Variants in RETSAT observed in about 807,000 individuals in gnomAD.
RETSAT encodes all-trans-retinol 13,14-reductase.
A neutral mutation model predicts 61.6 loss-of-function variants in RETSAT; 35 were observed. The ratio of observed to expected loss-of-function variants is 0.57; its 90% CI spans 0.43 to 0.75. RETSAT has a LOEUF of 0.75. RETSAT is among the 30% of genes least tolerant of loss of function. The pLI, the probability that RETSAT is intolerant of heterozygous loss-of-function variation, is 0.00. For missense variants in RETSAT, 670 were observed against 759.5 expected, an observed-to-expected ratio of 0.88 and a Z score of 1.38; for synonymous variants, 277 against 310.4, an observed-to-expected ratio of 0.89 and a Z score of 1.13.
chr2:85,351,130 GC>G, intron 2 of RETSAT, 109 bp from the exon 3 acceptor site: 2 of 1,340,044 alleles, frequency 1.5e-6, no homozygotes, highest in South Asian at 1.3e-5. Context: ...CCAAGTTCAC[GC>G]CCAGAGTGAG....
chr2:85,342,015 AGT>A lies in RETSAT; in HGVS notation c.*1225_*1226del. 2.0e-6 allele frequency: 1 copy of A among 511,032 alleles called. No individual in the cohort carries two copies. Among genetic ancestry groups the A allele is most frequent in the Non-Finnish European group, 3.4e-6 (1 of 291,202 alleles). 31.7% of individuals were successfully genotyped at this position (511,032 alleles called of 1,614,324 possible). ...CTTATTTTGGTGTTATTCAGTATAT[AGT>A]GTTTTACTGAGCTTCTGCAAATGCC... On this transcript the variant is annotated 3_prime_UTR_variant, in exon 11 of 11. Transcript: ENST00000295802.
At chr2:85,346,604 A>C (rs1263128760) in intron 5 of RETSAT, among the ~76,000 whole-genome samples, 1 of 152,082 alleles carries the variant, frequency 6.6e-6, no homozygotes, top group Non-Finnish European at 1.5e-5. Context: ...TAGAACAAAA[A>C]AATTTAAATT....
At chr2:85,352,705 T>C (rs1683320724) in intron 1 of RETSAT, among the ~76,000 whole-genome samples, 5 of 152,188 alleles carry the variant, frequency 3.3e-5, no homozygotes, top group Admixed American at 3.3e-4. Flanking sequence ...CTTTGGAAGA[T>C]GCAGGGTCTG....
chr2:85,345,843 C>T (rs763572585), intron 6 of RETSAT, 132 bp downstream of exon 6: 2 of 1,117,716 alleles, frequency 1.8e-6, no homozygotes, highest in Admixed American at 1.7e-5. Flanking sequence ...GTAGCGTTCT[C>T]ACCTTGTTGC....
Position 85,344,576 on chromosome 2 carries a change from C to G in RETSAT, c.1256+18G>C. On this transcript the variant is annotated intron_variant, in intron 7 of 10. Transcript: ENST00000295802. ...GGGAGGCACGGGCCACACACATACA[C>G]ACACACGTGCACCTTACGCCTGGTC... 1 of 1,613,520 alleles carries G rather than the reference C, an allele frequency of 6.2e-7. No individual in the cohort carries two copies.
rs952996219 is a variant in RETSAT at position 85,349,428 on chromosome 2, G to T, written c.953C>A (p.Ala318Asp). ...QRAGGAVLTKATVQSVLLDSA... is the reference protein window; with the variant it reads ...QRAGGAVLTKDTVQSVLLDSA... ...GTCCAGCAACACACTCTGCACAGTGGCCTTTGTGAGGACAGCGCCCCCAGC... is the reference window on the plus strand; with the variant it reads ...GTCCAGCAACACACTCTGCACAGTGTCCTTTGTGAGGACAGCGCCCCCAGC... Residue 318 changes from alanine (A) to aspartate (D), a missense_variant, in exon 5 of 11, where the codon GCC (alanine) becomes GAC (aspartate). Coordinates refer to ENST00000295802, the MANE Select transcript of RETSAT (RefSeq NM_017750.4). The T allele has an allele frequency of 1.2e-6, 2 of 1,614,176 alleles. No homozygotes were observed. Among genetic ancestry groups the T allele is most frequent in the East Asian group, 2.2e-5 (1 of 44,882 alleles).
chr2:85,350,704 C>T lies in RETSAT; in HGVS notation c.597+76G>A, dbSNP rs146129692. Reference sequence around the variant, plus strand: ...GCCTCCCGCACTGCACTCTCCACCCCCAGTGCCTCCACTAATAATAAAGAA... The same window carrying T: ...GCCTCCCGCACTGCACTCTCCACCCTCAGTGCCTCCACTAATAATAAAGAA... On this transcript the variant is annotated intron_variant, in intron 3 of 10. Coordinates refer to ENST00000295802, the MANE Select transcript of RETSAT (RefSeq NM_017750.4). 42 of 1,558,620 alleles carry T rather than the reference C, an allele frequency of 2.7e-5. No individual in the cohort carries two copies. The East Asian group carries it at 8.7e-4, about 32-fold the overall frequency.
chr2:85,351,976 G>A (rs1189028652), intron 1 of RETSAT, 114 bp from the exon 2 acceptor site: 12 of 949,442 alleles, frequency 1.3e-5, no homozygotes, highest in Non-Finnish European at 1.8e-5. Flanking sequence ...CCTCTAGAGT[G>A]GTTTGGCACA....
At position 85,350,072 on chromosome 2, in the gene RETSAT, T is replaced by C. The variant is rs374738980; in HGVS notation, c.767A>G (p.Gln256Arg). ...GGGGAAGATGTAGCTGAGTACTGCCTGGAGCTCAGAGGAGGCCCCCAGCTG... is the reference window on the plus strand; with the variant it reads ...GGGGAAGATGTAGCTGAGTACTGCCCGGAGCTCAGAGGAGGCCCCCAGCTG... ...LQQLGASSEL[Q>R]AVLSYIFPTY... Residue 256 changes from glutamine (Q) to arginine (R), a missense_variant, in exon 4 of 11, where the codon CAG becomes CGG. Transcript: ENST00000295802. 46 of 1,613,760 alleles carry C rather than the reference T, an allele frequency of 2.9e-5. No individual in the cohort carries two copies. Among genetic ancestry groups the C allele is most frequent in the Non-Finnish European group, 3.8e-5 (45 of 1,180,030 alleles).
chr2:85,348,429 G>A (rs1398503602), intron 5 of RETSAT, among the ~76,000 whole-genome samples: 1 of 152,024 alleles, frequency 6.6e-6, no homozygotes, highest in Non-Finnish European at 1.5e-5. Flanking sequence ...AGGAGATTGA[G>A]ACCATCCTGG....
chr2:85,343,368 G>A lies in RETSAT; in HGVS notation c.1707C>T (p.Phe569=), dbSNP rs1683120916. ...GCAGGGCCCCGACCAGTCCACAGGT[G>A]AAGATATCCTGGCCTAGGAGGCAAG... ...PNLYLTGQDI[F]TCGLVGALQG... Residue 569 remains phenylalanine, a synonymous_variant, in exon 11 of 11, where the codon TTC becomes TTT. Coordinates refer to ENST00000295802, the MANE Select transcript of RETSAT (RefSeq NM_017750.4). 2 of 1,613,204 alleles carry A rather than the reference G, an allele frequency of 1.2e-6. No individual in the cohort carries two copies. The highest frequency in any genetic ancestry group is 4.5e-5 in the East Asian group (2 of 44,894).
intron 7 of RETSAT, 29 bp downstream of exon 7, chr2:85,344,563 CCA>C (rs1430963051): frequency 6.2e-7 from 1 of 1,610,044 alleles, no homozygotes; most frequent in Non-Finnish European, 8.5e-7. Flanking sequence ...GAGGCACGGG[CCA>C]CACACATACA....
chr2:85,350,723 T>G, intron 3 of RETSAT, 57 bp downstream of exon 3: 1 of 1,606,222 alleles, frequency 6.2e-7, no homozygotes, highest in Non-Finnish European at 8.5e-7. Flanking sequence ...CCACTAATAA[T>G]AAAGAAACCC....
Position 85,349,524 on chromosome 2 carries a change from A to G in RETSAT, c.857T>C (p.Met286Thr), listed in dbSNP as rs371228332. ...SMHALLVNHYMKGGFYPRGGS... is the reference protein window; with the variant it reads ...SMHALLVNHYTKGGFYPRGGS... ...CCCTCGGGGATAAAAGCCTCCTTTC[A>G]TGTAGTGGTTGACCAGCAGGGCGTG... Residue 286 changes from methionine (M) to threonine (T), a missense_variant, in exon 5 of 11, where the codon ATG becomes ACG. Coordinates refer to ENST00000295802, the MANE Select transcript of RETSAT (RefSeq NM_017750.4). The G allele has an allele frequency of 2.5e-6, 4 of 1,614,146 alleles. No homozygotes were observed. Among genetic ancestry groups the G allele is most frequent in the Non-Finnish European group, 3.4e-6 (4 of 1,180,018 alleles).
Position 85,344,071 on chromosome 2 carries a change from C to T in RETSAT, c.1461G>A (p.Glu487=), listed in dbSNP as rs1317537811. The T allele has an allele frequency of 6.2e-7, 1 of 1,614,064 alleles. No individual in the cohort carries two copies. Among genetic ancestry groups the T allele is most frequent in the Admixed American group, 1.7e-5 (1 of 60,006 alleles). ...ELKGKRGSDY[E]TFKNSFVEAS... is the part of the protein sequence containing the mutation. ...CTTCCACAAAGGAGTTTTTGAAGGT[C>T]TCATAGTCACTGCCCCGCTTTCCCT... The change falls in exon 9 of 11, where the codon GAG becomes GAA. Residue 487 remains glutamate, a synonymous_variant. Coordinates refer to ENST00000295802, the MANE Select transcript of RETSAT (RefSeq NM_017750.4).
intron 6 of RETSAT, chr2:85,345,580 G>A (rs1164296818): frequency 5.6e-6 from 2 of 356,052 alleles, no homozygotes; most frequent in East Asian, 1.5e-4. Context: ...CATGAAGGTG[G>A]CGGGACCTCT....
At chr2:85,345,752 G>C in intron 6 of RETSAT, 1 of 678,358 alleles carries the variant, frequency 1.5e-6, no homozygotes, top group Non-Finnish European at 2.7e-6. Flanking sequence ...CCTTTCAGCT[G>C]AGTGGCCTCA....
At chr2:85,347,663 C>T (rs192254619) in intron 5 of RETSAT, among the ~76,000 whole-genome samples, 47 of 152,312 alleles carry the variant, frequency 3.1e-4, no homozygotes, top group African/African-American at 8.9e-4. Flanking sequence ...CCACTGCGCC[C>T]GGCCTCTTTT....
rs1558681288 is a variant in RETSAT at position 85,344,038 on chromosome 2, C to T, written c.1494G>A (p.Met498Ile). The T allele has an allele frequency of 6.2e-7, 1 of 1,614,148 alleles. No homozygotes were observed. The highest frequency in any genetic ancestry group is 1.7e-5 in the Admixed American group (1 of 60,020). ...GTGGGAACAGTTTCAGGACCACTGA[C>T]ATAGAGGCTTCCACAAAGGAGTTTT... ...TFKNSFVEAS[M>I]SVVLKLFPQL... Residue 498 changes from methionine to isoleucine, a missense_variant, in exon 9 of 11, where the codon ATG (methionine) becomes ATA (isoleucine). Coordinates refer to ENST00000295802, the MANE Select transcript of RETSAT (RefSeq NM_017750.4).
Sources: gnomAD v4.1 joint callset for allele counts (sites outside exome capture counted in the v4.1 genomes callset) on GRCh38, gnomAD v4.1.1 for gene constraint, MANE v1.5 for transcripts, NCBI Gene and HGNC (gene_info 2026-07-23, HGNC 2026-07-21) for gene names.